The following CSMD1 variants were observed in gnomAD, a reference collection of about 807,000 sequenced individuals.
The protein encoded by CSMD1 is CUB and Sushi multiple domains 1, also known as CUB and sushi domain-containing protein 1.
A neutral mutation model predicts 417.5 loss-of-function variants in CSMD1; 213 were observed. The ratio of observed to expected loss-of-function variants is 0.51; its 90% confidence interval spans 0.46 to 0.57. The LOEUF (loss-of-function observed/expected upper bound fraction) is 0.57, where lower values mean the gene tolerates loss of function less well. CSMD1 is among the 20% of genes least tolerant of loss of function. The probability of loss-of-function intolerance (pLI) is 0.00; values close to 1 mark genes in which losing one functional copy is unlikely to be tolerated. For missense variants in CSMD1, 6,923 were observed against 4,529.7 expected (o/e 1.53, Z -15.17); for synonymous variants, 2,862 against 1,736.8 (o/e 1.65, Z -16.11).
chr8:3,669,664 T>A (rs1416224816), intron 7 of CSMD1, among the ~76,000 whole-genome samples: 1 of 152,084 alleles, frequency 6.6e-6, no homozygotes, highest in Non-Finnish European at 1.5e-5. Flanking sequence ...TCAACAGATG[T>A]TAGCTCAGCA....
rs563938031 is a variant in CSMD1 at position 3,627,433 on chromosome 8, A to G, written c.1010-10636T>C. On this transcript the variant is annotated intron_variant, in intron 7 of 69. Transcript: ENST00000635120. ...CACCTCGAGTCCTGAAATCACAGAC[A>G]TTAACATGCACTGAGAAGACTATGT... is the stretch of plus-strand genomic sequence containing the variant. Among the ~76,000 whole-genome samples the G allele has an allele frequency of 3.0e-4, 45 of 152,322 alleles. No individual in the cohort carries two copies. In the South Asian group the frequency reaches 4.1e-3, roughly 14 times the overall value.
Position 3,661,623 on chromosome 8 carries a change from A to C in CSMD1, c.1010-44826T>G, listed in dbSNP as rs1325515256. On this transcript the variant is annotated intron_variant, in intron 7 of 69. Coordinates refer to ENST00000635120, the MANE Select transcript of CSMD1 (RefSeq NM_033225.6). ...GTGATTCTCCCGCCTCAGCCTCCCA[A>C]GTAGTTGGCATTACAGGTATCCACC... 1.3e-5 allele frequency among the ~76,000 whole-genome samples: 2 copies of C among 152,182 alleles called. 1 individual carries two copies. The highest frequency in any genetic ancestry group is 4.8e-5 in the African/African-American group (2 of 41,520).
At chr8:4,577,396 C>G (rs1297851842) in intron 2 of CSMD1, among the ~76,000 whole-genome samples, 2 of 152,178 alleles carry the variant, frequency 1.3e-5, no homozygotes, top group African/African-American at 2.4e-5. Flanking sequence ...TTTCCATCCT[C>G]TCAAGTCGGG....
chr8:4,423,866 C>A (rs188049304), intron 2 of CSMD1, among the ~76,000 whole-genome samples: 1 of 152,128 alleles, frequency 6.6e-6, no homozygotes, highest in Non-Finnish European at 1.5e-5. Context: ...TTGGCAAAGA[C>A]ATAAACCCGT....
At chr8:3,077,816 T>A (rs1813796589) in intron 49 of CSMD1, among the ~76,000 whole-genome samples, 1 of 152,184 alleles carries the variant, frequency 6.6e-6, no homozygotes, top group African/African-American at 2.4e-5. Context: ...TGAAAGACCA[T>A]AACCTATCCT....
intron 3 of CSMD1, among the ~76,000 whole-genome samples, chr8:4,069,055 A>G (rs1799407172): frequency 6.6e-6 from 1 of 152,116 alleles, no homozygotes; most frequent in Non-Finnish European, 1.5e-5. Flanking sequence ...TCTATAGACT[A>G]TTTACTCCTT....
At chr8:3,535,908 T>G (rs949189270) in intron 10 of CSMD1, among the ~76,000 whole-genome samples, 3 of 152,122 alleles carry the variant, frequency 2.0e-5, no homozygotes, top group African/African-American at 7.2e-5. Context: ...CCCCTCCTGG[T>G]GGATGCTGCT....
intron 1 of CSMD1, among the ~76,000 whole-genome samples, chr8:4,902,890 G>A (rs1024487563): frequency 7.3e-5 from 11 of 151,126 alleles, no homozygotes; most frequent in African/African-American, 2.7e-4. Context: ...TGTACTGCAT[G>A]TATATTTTTA....
chr8:4,732,630 C>T lies in CSMD1; in HGVS notation c.86-95072G>A, dbSNP rs1809977849. Among the ~76,000 whole-genome samples, 4 of 152,236 alleles carry T rather than the reference C, an allele frequency of 2.6e-5. No homozygotes were observed. The South Asian group carries it at 6.2e-4, about 24-fold the overall frequency. The stretch of plus-strand genomic sequence containing the variant: ...GACAGCAGAAGACACTAAATCAAGG[C>T]CCCTGGGAATCGTGAGCTCATCTGG... On this transcript the variant is annotated intron_variant, in intron 1 of 69. Transcript: ENST00000635120.
At position 3,418,762 on chromosome 8, in the gene CSMD1, C is replaced by T. The variant is rs75797943; in HGVS notation, c.1562-9157G>A. 8.5e-3 allele frequency among the ~76,000 whole-genome samples: 1,296 copies of T among 152,058 alleles called. 20 individuals are homozygous for T. The highest frequency in any genetic ancestry group is 0.03 in the African/African-American group (1,235 of 41,456). On this transcript the variant is annotated intron_variant, in intron 12 of 69. Coordinates refer to ENST00000635120, the MANE Select transcript of CSMD1 (RefSeq NM_033225.6). ...CCAAATTGGTGATCATGCAGACACA[C>T]GGGATTGCACAAACTAATGTCAGAC...
intron 2 of CSMD1, among the ~76,000 whole-genome samples, chr8:4,611,763 T>C (rs1473509148): frequency 6.6e-6 from 1 of 152,212 alleles, no homozygotes; most frequent in Non-Finnish European, 1.5e-5. Flanking sequence ...CTATTCAAAA[T>C]GTAGCAAAAT....
At chr8:3,398,435 T>A (rs1811830575) in intron 16 of CSMD1, among the ~76,000 whole-genome samples, 1 of 152,208 alleles carries the variant, frequency 6.6e-6, no homozygotes, top group East Asian at 1.9e-4. Context: ...ATAAAAATAA[T>A]TATTTCAAAT....
chr8:4,958,709 G>C (rs1392875249), intron 1 of CSMD1, among the ~76,000 whole-genome samples: 2 of 152,136 alleles, frequency 1.3e-5, no homozygotes, highest in Non-Finnish European at 2.9e-5. Flanking sequence ...ATTAGATTTA[G>C]TGACTCAATA....
intron 6 of CSMD1, among the ~76,000 whole-genome samples, chr8:3,709,792 G>C (rs373417482): frequency 1.4e-5 from 2 of 144,606 alleles, no homozygotes; most frequent in Non-Finnish European, 3.0e-5. Context: ...TCAGGTCTTC[G>C]GTCTTGTCAG....
intron 1 of CSMD1, chr8:4,788,379 T>A: frequency 7.0e-7 from 1 of 1,422,428 alleles, no homozygotes; most frequent in Non-Finnish European, 9.8e-7. Flanking sequence ...CACACCAGAC[T>A]GGGGAGCTCA....
chr8:4,234,249 G>A (rs771309698), intron 3 of CSMD1, among the ~76,000 whole-genome samples: 5 of 152,186 alleles, frequency 3.3e-5, no homozygotes, highest in African/African-American at 1.2e-4. Context: ...TAAAGCAGGA[G>A]GTTGTGAATG....
At chr8:4,757,949 G>T (rs1163889300) in intron 1 of CSMD1, among the ~76,000 whole-genome samples, 4 of 116,938 alleles carry the variant, frequency 3.4e-5, no homozygotes, top group African/African-American at 1.3e-4. Flanking sequence ...AACAGAGAGA[G>T]ACTTTGTCTC....
At chr8:3,427,341 T>G (rs1432287451) in intron 12 of CSMD1, among the ~76,000 whole-genome samples, 1 of 152,212 alleles carries the variant, frequency 6.6e-6, no homozygotes, top group Admixed American at 6.5e-5. Context: ...GAATCAGTAC[T>G]GATTTTTCTT....
chr8:4,526,976 C>G (rs1164598772), intron 2 of CSMD1, among the ~76,000 whole-genome samples: 3 of 152,182 alleles, frequency 2.0e-5, no homozygotes, highest in Non-Finnish European at 2.9e-5. Context: ...TAGATACCAT[C>G]TATCCACATC....
Sources: allele counts gnomAD v4.1 joint callset (sites outside exome capture counted in the v4.1 genomes callset), GRCh38; gene constraint gnomAD v4.1.1; transcripts MANE v1.5; gene names NCBI Gene and HGNC (gene_info 2026-07-23, HGNC 2026-07-21).